DCBLD1: variants seen among roughly 807,000 people sequenced by gnomAD.
DCBLD1 encodes the protein discoidin, CUB and LCCL domain-containing protein 1.
Under a neutral mutation model 71.5 loss-of-function variants are expected in DCBLD1, and 57 were observed. The observed-to-expected ratio is 0.80, with a 90% CI of 0.64 to 0.99. The LOEUF (loss-of-function observed/expected upper bound fraction) is 0.99, where lower values mean the gene tolerates loss of function less well. Among genes scored for constraint, DCBLD1 ranks in the 50% least tolerant of loss-of-function variants. The pLI is 0.00. For synonymous variants in DCBLD1, 380 were observed against 363.8 expected (o/e 1.04, Z -0.51); for missense variants, 891 against 923.5 (o/e 0.96, Z 0.46).
intron 4 of DCBLD1, 21 bp downstream of exon 4, chr6:117,521,597 T>C (rs1251348914): frequency 7.2e-6 from 7 of 969,106 alleles, no homozygotes; most frequent in Middle Eastern, 2.8e-4. Flanking sequence ...GTATCCTAAC[T>C]GTGTTGCAGT....
intron 2 of DCBLD1, among the ~76,000 whole-genome samples, chr6:117,511,694 G>GTTGAAGTTT (rs1299132079): frequency 6.6e-6 from 1 of 152,180 alleles, no homozygotes; most frequent in Non-Finnish European, 1.5e-5. Flanking sequence ...CAACTTATCT[G>GTTGAAGTTT]TTGAAGTTTT....
chr6:117,483,468 C>T (rs1476461958), intron 1 of DCBLD1, among the ~76,000 whole-genome samples: 2 of 152,210 alleles, frequency 1.3e-5, no homozygotes, highest in African/African-American at 4.8e-5. Context: ...GGTGCTGCCA[C>T]CTCCTCTCGA....
At chr6:117,544,142 C>G (rs1026257139) in intron 12 of DCBLD1, 3 of 166,394 alleles carry the variant, frequency 1.8e-5, no homozygotes, top group Non-Finnish European at 2.6e-5. Context: ...GTGTAATGTG[C>G]TTGTATGAAA....
chr6:117,563,994 C>G (rs78327575), intron 14 of DCBLD1, among the ~76,000 whole-genome samples: 1 of 71,528 alleles, frequency 1.4e-5, no homozygotes, highest in African/African-American at 5.5e-5. Flanking sequence ...TTTTTTTTTT[C>G]TGAGACAGGG....
At chr6:117,490,606 A>AT (rs947534552) in intron 1 of DCBLD1, among the ~76,000 whole-genome samples, 5 of 152,134 alleles carry the variant, frequency 3.3e-5, no homozygotes, top group African/African-American at 1.2e-4. Context: ...GGTAAGGTGT[A>AT]TTTTTTTAAT....
intron 9 of DCBLD1, chr6:117,540,424 G>A (rs1159557645): frequency 4.4e-6 from 2 of 450,728 alleles, no homozygotes; most frequent in Admixed American, 6.9e-5. Flanking sequence ...AATACAACAA[G>A]GCAATTTTAG....
At chr6:117,505,886 C>A (rs577281698) in intron 2 of DCBLD1, among the ~76,000 whole-genome samples, 1 of 152,274 alleles carries the variant, frequency 6.6e-6, no homozygotes, top group Admixed American at 6.5e-5. Context: ...TGGTCTGCCT[C>A]AGGGTGTTAT....
chr6:117,542,186 G>A (rs897939040), intron 11 of DCBLD1, among the ~76,000 whole-genome samples: 5 of 151,732 alleles, frequency 3.3e-5, no homozygotes, highest in African/African-American at 1.2e-4. Flanking sequence ...CCAGCTACTC[G>A]GGAGGCTGAG....
intron 14 of DCBLD1, chr6:117,569,591 A>G: frequency 6.2e-7 from 1 of 1,613,102 alleles, no homozygotes; most frequent in Non-Finnish European, 8.5e-7. Context: ...AAGAATAGTT[A>G]CAGCTTCTTT....
chr6:117,542,204 A>G (rs1779119561), intron 11 of DCBLD1, among the ~76,000 whole-genome samples: 1 of 151,890 alleles, frequency 6.6e-6, no homozygotes, highest in Non-Finnish European at 1.5e-5. Flanking sequence ...GAGGCAGGAG[A>G]ATTGCTTGAA....
chr6:117,520,353 G>A (rs960146529), intron 3 of DCBLD1, among the ~76,000 whole-genome samples: 1 of 152,208 alleles, frequency 6.6e-6, no homozygotes, highest in Non-Finnish European at 1.5e-5. Flanking sequence ...TTATTAGCAT[G>A]TTAGATTGAT....
At chr6:117,521,365 A>G (rs796170030) in intron 3 of DCBLD1, among the ~76,000 whole-genome samples, 160 bp from the exon 4 acceptor site, 5 of 152,358 alleles carry the variant, frequency 3.3e-5, no homozygotes, top group African/African-American at 1.2e-4. Flanking sequence ...AATACTGGAG[A>G]CAGTGATTCT....
At position 117,538,867 on chromosome 6, in the gene DCBLD1, G is replaced by A. The variant is rs759668097; in HGVS notation, c.976+32G>A. On this transcript the variant is annotated intron_variant, in intron 8 of 14. Transcript: ENST00000338728. Reference sequence around the variant, plus strand: ...AAAATAACACAAGTGCCAAGTGCAGGAGTAGTTTCATGACTGTAAATGACT... The same window carrying A: ...AAAATAACACAAGTGCCAAGTGCAGAAGTAGTTTCATGACTGTAAATGACT... The A allele has an allele frequency of 2.5e-6, 4 of 1,586,294 alleles. No homozygotes were observed. The African/African-American group carries it at 5.4e-5, about 21-fold the overall frequency.
At chr6:117,551,516 A>C (rs1291634381), downstream of DCBLD1, among the ~76,000 whole-genome samples, 1 of 151,382 alleles carries the variant, frequency 6.6e-6, no homozygotes, top group Non-Finnish European at 1.5e-5. Flanking sequence ...AGTAGCTAGG[A>C]CTACAGGCGC....
intron 4 of DCBLD1, among the ~76,000 whole-genome samples, chr6:117,524,910 C>CAT: frequency 1.3e-5 from 2 of 152,144 alleles, no homozygotes; most frequent in African/African-American, 2.4e-5. Flanking sequence ...GTATGTATAA[C>CAT]ACGGAAAGTG....
rs146086231 is a variant in DCBLD1 at position 117,496,619 on chromosome 6, A to C, written c.113-7148A>C. Among the ~76,000 whole-genome samples, 1,482 of 152,312 alleles carry C rather than the reference A, an allele frequency of 9.7e-3. 26 individuals are homozygous for C. The highest frequency in any genetic ancestry group is 0.034 in the African/African-American group (1,396 of 41,540). On this transcript the variant is annotated intron_variant, in intron 1 of 14. Transcript: ENST00000338728. Reference sequence around the variant, plus strand: ...ATTTTCTCACACCCACACATGGATGATTGTATATGTGTTGAGACCTGTTGT... The same window carrying C: ...ATTTTCTCACACCCACACATGGATGCTTGTATATGTGTTGAGACCTGTTGT...
intron 14 of DCBLD1, among the ~76,000 whole-genome samples, chr6:117,556,220 T>C (rs903144513): frequency 4.6e-5 from 7 of 152,244 alleles, no homozygotes; most frequent in African/African-American, 1.4e-4. Flanking sequence ...TTTTAAAATA[T>C]ATTTTTATCT....
In DCBLD1 at chr6:117,519,967, A is replaced by G; in HGVS notation, c.460+17A>G. On this transcript the variant is annotated intron_variant, in intron 3 of 14. Coordinates refer to ENST00000338728, the MANE Select transcript of DCBLD1 (RefSeq NM_001366458.2). ...ACCATCCAGGTATAACGGAAGAATC[A>G]ACACAAATCTCTAAATGTTATCTGT... 1 of 1,612,206 alleles carries G rather than the reference A, an allele frequency of 6.2e-7. No individual in the cohort carries two copies.
intron 14 of DCBLD1, among the ~76,000 whole-genome samples, chr6:117,558,400 C>T (rs1251934374): frequency 6.6e-6 from 1 of 152,188 alleles, no homozygotes; most frequent in Non-Finnish European, 1.5e-5. Flanking sequence ...CACTGACCCT[C>T]CTGGAGAGTT....
Sources: gnomAD v4.1 joint callset for allele counts (sites outside exome capture counted in the v4.1 genomes callset) on GRCh38, gnomAD v4.1.1 for gene constraint, MANE v1.5 for transcripts, NCBI Gene and HGNC (gene_info 2026-07-23, HGNC 2026-07-21) for gene names.